The following C3orf80 variants were observed in gnomAD, a reference collection of about 807,000 sequenced individuals.
C3orf80 encodes the protein chromosome 3 open reading frame 80.
A neutral mutation model predicts 15.8 loss-of-function variants in C3orf80; 10 were observed. The observed-to-expected ratio is 0.63, with a 90% CI of 0.39 to 1.07. The LOEUF (loss-of-function observed/expected upper bound fraction) is 1.07, where lower values mean the gene tolerates loss of function less well. C3orf80 is among the 50% of genes least tolerant of loss of function. C3orf80 has a pLI of 0.01. For missense variants in C3orf80, 364 were observed against 379.3 expected (o/e 0.96, Z 0.34); for synonymous variants, 183 against 192.0 (o/e 0.95, Z 0.39).
Position 160,225,911 on chromosome 3 carries a change from C to T in C3orf80, c.276C>T (p.Phe92=). 1.4e-6 allele frequency: 2 copies of T among 1,474,132 alleles called. No individual in the cohort carries two copies. The highest frequency in any genetic ancestry group is 1.8e-6 in the Non-Finnish European group (2 of 1,116,212). The allele number at this position is 1,474,132 out of a possible 1,614,324, so 91.3% of individuals were successfully genotyped here. ...LSGLLILLVL[F]AIGYFLQRII... is the part of the protein sequence containing the mutation. ...GGCTGCTCATCCTGCTGGTGCTCTTCGCCATCGGCTATTTCCTGCAGCGCA... is the reference window on the plus strand; with the variant it reads ...GGCTGCTCATCCTGCTGGTGCTCTTTGCCATCGGCTATTTCCTGCAGCGCA... The change falls in exon 1 of 1, where the codon TTC becomes TTT. Residue 92 remains phenylalanine (F), a synonymous_variant. Transcript: ENST00000326474. This position sits in a 1 kb window ranked among gnomAD's most constrained non-coding sequence, Gnocchi z 5.6.
chr3:160,225,596 A>G lies in C3orf80; in HGVS notation c.-40A>G. ...GGACGCGAGGGCGGACGGACTCCCCAGCCTCCCGTCCCGGACGTTAGCCGA... is the reference window on the plus strand; with the variant it reads ...GGACGCGAGGGCGGACGGACTCCCCGGCCTCCCGTCCCGGACGTTAGCCGA... On this transcript the variant is annotated 5_prime_UTR_variant, in exon 1 of 1. Coordinates refer to ENST00000326474, the MANE Select transcript of C3orf80 (RefSeq NM_001168214.2). The surrounding 1 kb of genome is among the most constrained non-coding windows in gnomAD (Gnocchi z 5.6). 2.3e-6 allele frequency: 3 copies of G among 1,282,322 alleles called. No individual in the cohort carries two copies. The highest frequency in any genetic ancestry group is 3.2e-5 in the East Asian group (1 of 31,250). 79.4% of individuals were successfully genotyped at this position (1,282,322 alleles called of 1,614,324 possible).
Position 160,226,103 on chromosome 3 carries a change from A to T in C3orf80, c.468A>T (p.Ser156=). ...AGGCGGCAGCCGGCTCTCAGGACTC[A>T]CTGCTGGACAGTGGCGGCGGCGGCC... ...RDEAAAGSQD[S]LLDSGGGGRG... Residue 156 remains serine (S), a synonymous_variant, in exon 1 of 1, where the codon TCA becomes TCT. Transcript: ENST00000326474. This position sits in a 1 kb window ranked among gnomAD's most constrained non-coding sequence, Gnocchi z 5.2. 1 of 1,485,946 alleles carries T rather than the reference A, an allele frequency of 6.7e-7. No individual in the cohort carries two copies. Among genetic ancestry groups the T allele is most frequent in the Non-Finnish European group, 8.9e-7 (1 of 1,124,948 alleles). The allele number at this position is 1,485,946 out of a possible 1,614,324, so 92.0% of individuals were successfully genotyped here.
In C3orf80 at chr3:160,226,025, G is replaced by A. The variant is rs1235604898; in HGVS notation, c.390G>A (p.Gly130=). The change falls in exon 1 of 1, where the codon GGG becomes GGA. Residue 130 remains glycine, a synonymous_variant. Transcript: ENST00000326474. The surrounding 1 kb of genome is among the most constrained non-coding windows in gnomAD (Gnocchi z 5.2). Reference sequence around the variant, plus strand: ...CTCCGGGGGGCGCCGGACCGCTGGGGGGCGCGGGGCCGCCCGACGACGACG... The same window carrying A: ...CTCCGGGGGGCGCCGGACCGCTGGGAGGCGCGGGGCCGCCCGACGACGACG... ...PGPPGGAGPL[G]GAGPPDDDDD... is the part of the protein sequence containing the mutation. 4.4e-6 allele frequency: 6 copies of A among 1,349,546 alleles called. 1 individual carries two copies. The highest frequency in any genetic ancestry group is 2.4e-4 in the Middle Eastern group (1 of 4,096). 83.6% of individuals were successfully genotyped at this position (1,349,546 alleles called of 1,614,324 possible). A position where few individuals can be genotyped will look rare whatever the true frequency, so the allele number is the denominator to read the frequency against.
rs1035045577 is a variant in C3orf80, at chr3:160,227,570, G to A, written c.*1191G>A. The A allele has an allele frequency of 1.3e-5, 2 of 151,950 alleles. No homozygotes were observed. Among genetic ancestry groups the A allele is most frequent in the African/African-American group, 4.8e-5 (2 of 41,352 alleles). The allele number at this position is 151,950 out of a possible 1,614,324, so 9.4% of individuals were successfully genotyped here. The stretch of plus-strand genomic sequence containing the variant: ...GCACTTTCTCCTCCATTTTTCATTT[G>A]GAATACATTCCACAACATGATCCAA... On this transcript the variant is annotated 3_prime_UTR_variant, in exon 1 of 1. Coordinates refer to ENST00000326474, the MANE Select transcript of C3orf80 (RefSeq NM_001168214.2).
rs933934344 is a variant in C3orf80 at position 160,226,708 on chromosome 3, G to T, written c.*329G>T. 2.9e-5 allele frequency: 8 copies of T among 278,512 alleles called. No homozygotes were observed. Among genetic ancestry groups the T allele is most frequent in the African/African-American group, 1.5e-4 (7 of 45,724 alleles). 17.3% of individuals were successfully genotyped at this position (278,512 alleles called of 1,614,324 possible). ...GTAAGTGCCTGCTTCCCTAGTCAAA[G>T]AGAACACGTGAGCCCTTTGGTGCGT... On this transcript the variant is annotated 3_prime_UTR_variant, in exon 1 of 1. Transcript: ENST00000326474. The surrounding 1 kb of genome is among the most constrained non-coding windows in gnomAD (Gnocchi z 5.2).
In C3orf80 at chr3:160,225,678, C is replaced by T; in HGVS notation, c.43C>T (p.Pro15Ser). The T allele has an allele frequency of 2.2e-6, 3 of 1,395,186 alleles. No homozygotes were observed. The South Asian group carries it at 4.8e-5, about 22-fold the overall frequency. The allele number at this position is 1,395,186 out of a possible 1,614,324, so 86.4% of individuals were successfully genotyped here. A position where few individuals can be genotyped will look rare whatever the true frequency, so the allele number is the denominator to read the frequency against. ...CACTGCTGAGGGCCTGTCGGTGGCT[C>T]CGGCGCCGCCGCCTCTGCTGCCGCT... ...GVTAEGLSVA[P>S]APPPLLPLLL... The change falls in exon 1 of 1, where the codon CCG becomes TCG. Residue 15 changes from proline (P) to serine (S), a missense_variant. Coordinates refer to ENST00000326474, the MANE Select transcript of C3orf80 (RefSeq NM_001168214.2). The surrounding 1 kb of genome is among the most constrained non-coding windows in gnomAD (Gnocchi z 5.6).
In C3orf80 at chr3:160,225,865, G is replaced by T; in HGVS notation, c.230G>T (p.Trp77Leu). 6.7e-7 allele frequency: 1 copy of T among 1,489,214 alleles called. No individual in the cohort carries two copies. The highest frequency in any genetic ancestry group is 1.4e-5 in the African/African-American group (1 of 69,048). The allele number at this position is 1,489,214 out of a possible 1,614,324, so 92.3% of individuals were successfully genotyped here. Residue 77 changes from tryptophan to leucine, a missense_variant, in exon 1 of 1, where the codon TGG (tryptophan) becomes TTG (leucine). Coordinates refer to ENST00000326474, the MANE Select transcript of C3orf80 (RefSeq NM_001168214.2). This position sits in a 1 kb window ranked among gnomAD's most constrained non-coding sequence, Gnocchi z 5.6. ...CACGCCTTCCTGGACAACGTGGGCT[G>T]GTTCGTCCGCAAGCTCTCCGGGCTG... ...PLHAFLDNVG[W>L]FVRKLSGLLI...
At position 160,227,919 on chromosome 3, in the gene C3orf80, A is replaced by G. The variant is rs951381173; in HGVS notation, c.*1540A>G. 1 of 152,192 alleles carries G rather than the reference A, an allele frequency of 6.6e-6. No individual in the cohort carries two copies. Among genetic ancestry groups the G allele is most frequent in the Non-Finnish European group, 1.5e-5 (1 of 68,014 alleles). 9.4% of individuals were successfully genotyped at this position (152,192 alleles called of 1,614,324 possible). A position where few individuals can be genotyped will look rare whatever the true frequency, so the allele number is the denominator to read the frequency against. ...ATGTTGTTATATCAAGAACGATTACACACATGGATCTCATACATGTTTTTA... is the reference window on the plus strand; with the variant it reads ...ATGTTGTTATATCAAGAACGATTACGCACATGGATCTCATACATGTTTTTA... On this transcript the variant is annotated 3_prime_UTR_variant, in exon 1 of 1. Transcript: ENST00000326474.
rs962662276 is a variant in C3orf80, at chr3:160,227,611, G to T, written c.*1232G>T. On this transcript the variant is annotated 3_prime_UTR_variant, in exon 1 of 1. Coordinates refer to ENST00000326474, the MANE Select transcript of C3orf80 (RefSeq NM_001168214.2). The stretch of plus-strand genomic sequence containing the variant: ...CATGATCCAAAACATAAGAACTTAC[G>T]ACTTGTAACTCGTTTAAAGCCATTA... The T allele has an allele frequency of 6.6e-6, 1 of 152,096 alleles. No individual in the cohort carries two copies. The highest frequency in any genetic ancestry group is 2.1e-4 in the South Asian group (1 of 4,826). 9.4% of individuals were successfully genotyped at this position (152,096 alleles called of 1,614,324 possible).
In C3orf80 at chr3:160,226,141, G is replaced by A. The variant is rs1397480287; in HGVS notation, c.506G>A (p.Gly169Asp). ...GGCGGCGGCGGCCGGGGCCGGGGAG[G>A]CGGCGGGCGCTCGGACCCCTCCTGC... ...DSGGGGRGRGGGGRSDPSCAS... is the reference protein window; with the variant it reads ...DSGGGGRGRGDGGRSDPSCAS... The change falls in exon 1 of 1, where the codon GGC becomes GAC. Residue 169 changes from glycine to aspartate, a missense_variant. Coordinates refer to ENST00000326474, the MANE Select transcript of C3orf80 (RefSeq NM_001168214.2). The surrounding 1 kb of genome is among the most constrained non-coding windows in gnomAD (Gnocchi z 5.2). 3.4e-5 allele frequency: 51 copies of A among 1,521,316 alleles called. 1 individual carries two copies. The East Asian group carries it at 7.7e-4, about 23-fold the overall frequency. The allele number at this position is 1,521,316 out of a possible 1,614,324, so 94.2% of individuals were successfully genotyped here. A position where few individuals can be genotyped will look rare whatever the true frequency, so the allele number is the denominator to read the frequency against.
chr3:160,226,121 C>T lies in C3orf80; in HGVS notation c.486C>T (p.Gly162=). Residue 162 remains glycine, a synonymous_variant, in exon 1 of 1, where the codon GGC becomes GGT. Transcript: ENST00000326474. The surrounding 1 kb of genome is among the most constrained non-coding windows in gnomAD (Gnocchi z 5.2). ...GSQDSLLDSG[G]GGRGRGGGGR... ...AGGACTCACTGCTGGACAGTGGCGG[C>T]GGCGGCCGGGGCCGGGGAGGCGGCG... 2 of 1,517,204 alleles carry T rather than the reference C, an allele frequency of 1.3e-6. No homozygotes were observed. Among genetic ancestry groups the T allele is most frequent in the Non-Finnish European group, 1.8e-6 (2 of 1,139,098 alleles). 94.0% of individuals were successfully genotyped at this position (1,517,204 alleles called of 1,614,324 possible).
chr3:160,225,650 G>A lies in C3orf80; in HGVS notation c.15G>A (p.Gly5=). The A allele has an allele frequency of 7.2e-7, 1 of 1,382,112 alleles. No individual in the cohort carries two copies. Among genetic ancestry groups the A allele is most frequent in the Non-Finnish European group, 9.3e-7 (1 of 1,073,258 alleles). 85.6% of individuals were successfully genotyped at this position (1,382,112 alleles called of 1,614,324 possible). Residue 5 remains glycine (G), a synonymous_variant, in exon 1 of 1, where the codon GGG becomes GGA. Coordinates refer to ENST00000326474, the MANE Select transcript of C3orf80 (RefSeq NM_001168214.2). The surrounding 1 kb of genome is among the most constrained non-coding windows in gnomAD (Gnocchi z 5.6). ...CTGCGCGGGCCATGTGGGGACCCGG[G>A]GTCACTGCTGAGGGCCTGTCGGTGG... MWGP[G]VTAEGLSVAP...
Position 160,225,689 on chromosome 3 carries a change from G to A in C3orf80, c.54G>A (p.Pro18=), listed in dbSNP as rs967227242. The part of the protein sequence containing the change: ...AEGLSVAPAP[P]PLLPLLLLLA... ...GCCTGTCGGTGGCTCCGGCGCCGCC[G>A]CCTCTGCTGCCGCTGCTGCTACTGC... is the stretch of plus-strand genomic sequence containing the variant. Residue 18 remains proline, a synonymous_variant, in exon 1 of 1, where the codon CCG becomes CCA. Coordinates refer to ENST00000326474, the MANE Select transcript of C3orf80 (RefSeq NM_001168214.2). The surrounding 1 kb of genome is among the most constrained non-coding windows in gnomAD (Gnocchi z 5.6). 4 of 1,393,020 alleles carry A rather than the reference G, an allele frequency of 2.9e-6. No individual in the cohort carries two copies. The highest frequency in any genetic ancestry group is 3.0e-5 in the African/African-American group (2 of 66,200). The allele number at this position is 1,393,020 out of a possible 1,614,324, so 86.3% of individuals were successfully genotyped here.
In C3orf80 at chr3:160,225,649, G is replaced by A; in HGVS notation, c.14G>A (p.Gly5Glu). Residue 5 changes from glycine to glutamate, a missense_variant, in exon 1 of 1, where the codon GGG becomes GAG. Coordinates refer to ENST00000326474, the MANE Select transcript of C3orf80 (RefSeq NM_001168214.2). The surrounding 1 kb of genome is among the most constrained non-coding windows in gnomAD (Gnocchi z 5.6). ...TCTGCGCGGGCCATGTGGGGACCCGGGGTCACTGCTGAGGGCCTGTCGGTG... is the reference window on the plus strand; with the variant it reads ...TCTGCGCGGGCCATGTGGGGACCCGAGGTCACTGCTGAGGGCCTGTCGGTG... MWGP[G>E]VTAEGLSVAP... The A allele has an allele frequency of 1.4e-6, 2 of 1,381,150 alleles. No homozygotes were observed. The highest frequency in any genetic ancestry group is 6.2e-5 in the East Asian group (2 of 32,186). The allele number at this position is 1,381,150 out of a possible 1,614,324, so 85.6% of individuals were successfully genotyped here. A position where few individuals can be genotyped will look rare whatever the true frequency, so the allele number is the denominator to read the frequency against.
Position 160,226,321 on chromosome 3 carries a change from C to T in C3orf80, c.686C>T (p.Pro229Leu). ...CTGCCAGTGTCGGTGCTTGGCCGCC[C>T]TCGAGGCGGGGTCGCCGCGGAGCCC... ...VVLPVSVLGR[P>L]RGGVAAEPDG... Residue 229 changes from proline (P) to leucine (L), a missense_variant, in exon 1 of 1, where the codon CCT (proline) becomes CTT (leucine). Coordinates refer to ENST00000326474, the MANE Select transcript of C3orf80 (RefSeq NM_001168214.2). This position sits in a 1 kb window ranked among gnomAD's most constrained non-coding sequence, Gnocchi z 5.2. The T allele has an allele frequency of 6.6e-7, 1 of 1,507,654 alleles. No homozygotes were observed. The highest frequency in any genetic ancestry group is 8.8e-7 in the Non-Finnish European group (1 of 1,133,646). 93.4% of individuals were successfully genotyped at this position (1,507,654 alleles called of 1,614,324 possible). A position where few individuals can be genotyped will look rare whatever the true frequency, so the allele number is the denominator to read the frequency against.
chr3:160,226,485 A>C lies in C3orf80; in HGVS notation c.*106A>C, dbSNP rs1489261419. ...CAGACCTTATCTGGCACCCTGGCCT[A>C]ACTGCCCGGCACCCCGCGACTGGGT... On this transcript the variant is annotated 3_prime_UTR_variant, in exon 1 of 1. Transcript: ENST00000326474. This position sits in a 1 kb window ranked among gnomAD's most constrained non-coding sequence, Gnocchi z 5.2. 7 of 1,232,624 alleles carry C rather than the reference A, an allele frequency of 5.7e-6. No individual in the cohort carries two copies. The South Asian group carries it at 5.7e-5, about 10-fold the overall frequency. The allele number at this position is 1,232,624 out of a possible 1,614,324, so 76.4% of individuals were successfully genotyped here.
rs1559896197 is a variant in C3orf80, at chr3:160,226,288, A to T, written c.653A>T (p.Glu218Val). ...CGGCTGCAGCAGCTCAGCCCCGGGG[A>T]GGTCGTGCTGCCAGTGTCGGTGCTT... ...SMRLQQLSPG[E>V]VVLPVSVLGR... is the part of the protein sequence containing the mutation. Residue 218 changes from glutamate to valine, a missense_variant, in exon 1 of 1, where the codon GAG becomes GTG. Coordinates refer to ENST00000326474, the MANE Select transcript of C3orf80 (RefSeq NM_001168214.2). This position sits in a 1 kb window ranked among gnomAD's most constrained non-coding sequence, Gnocchi z 5.2. The T allele has an allele frequency of 6.6e-7, 1 of 1,517,374 alleles. No individual in the cohort carries two copies. Among genetic ancestry groups the T allele is most frequent in the Non-Finnish European group, 8.8e-7 (1 of 1,138,128 alleles). 94.0% of individuals were successfully genotyped at this position (1,517,374 alleles called of 1,614,324 possible). A position where few individuals can be genotyped will look rare whatever the true frequency, so the allele number is the denominator to read the frequency against.
chr3:160,225,766 T>A lies in C3orf80; in HGVS notation c.131T>A (p.Leu44Gln). 1 of 1,436,844 alleles carries A rather than the reference T, an allele frequency of 7.0e-7. No individual in the cohort carries two copies. The highest frequency in any genetic ancestry group is 9.1e-7 in the Non-Finnish European group (1 of 1,098,436). The allele number at this position is 1,436,844 out of a possible 1,614,324, so 89.0% of individuals were successfully genotyped here. A position where few individuals can be genotyped will look rare whatever the true frequency, so the allele number is the denominator to read the frequency against. ...PSRGGGGCAE[L>Q]ACGERERCCD... ...CGGGGCGGCGGGGGCTGCGCTGAGC[T>A]GGCGTGCGGCGAGCGGGAGCGCTGC... Residue 44 changes from leucine to glutamine, a missense_variant, in exon 1 of 1, where the codon CTG (leucine) becomes CAG (glutamine). Physicochemically the swap from Leu to Gln is moderately radical, Grantham distance 113. Transcript: ENST00000326474. The surrounding 1 kb of genome is among the most constrained non-coding windows in gnomAD (Gnocchi z 5.6).
rs1711519609 is a variant in C3orf80, at chr3:160,227,948, C to T, written c.*1569C>T. 6.6e-6 allele frequency: 1 copy of T among 152,114 alleles called. No individual in the cohort carries two copies. Among genetic ancestry groups the T allele is most frequent in the African/African-American group, 2.4e-5 (1 of 41,436 alleles). The allele number at this position is 152,114 out of a possible 1,614,324, so 9.4% of individuals were successfully genotyped here. ...ATGGATCTCATACATGTTTTTAGAA[C>T]ATTGTTCTTCTGATTGAAGAAGTCT... On this transcript the variant is annotated 3_prime_UTR_variant, in exon 1 of 1. Transcript: ENST00000326474.
Sources: allele counts gnomAD v4.1 joint callset, GRCh38; gene constraint gnomAD v4.1.1; non-coding constraint Gnocchi (gnomAD v3.1); transcripts MANE v1.5; gene names NCBI Gene and HGNC (gene_info 2026-07-23, HGNC 2026-07-21).